The following SGCZ variants were observed in gnomAD, a reference collection of about 807,000 sequenced individuals.
SGCZ encodes the protein zeta-sarcoglycan.
Under a neutral mutation model 41.3 loss-of-function variants are expected in SGCZ, and 40 were observed. The observed-to-expected ratio is 0.97, with a 90% CI of 0.75 to 1.26. SGCZ has a LOEUF of 1.26. Among genes scored for constraint, SGCZ ranks in the 50% most tolerant of loss-of-function variants. SGCZ has a pLI of 0.00. For synonymous variants in SGCZ, 206 were observed against 137.5 expected (o/e 1.50, Z -3.49); for missense variants, 552 against 369.8 (o/e 1.49, Z -4.04).
chr8:14,194,024 G>GT (rs1223725682), intron 4 of SGCZ, among the ~76,000 whole-genome samples: 2 of 151,466 alleles, frequency 1.3e-5, no homozygotes, highest in African/African-American at 2.4e-5. Flanking sequence ...TGGGACAATA[G>GT]TTTTTTTTAA....
At chr8:14,486,132 T>TC (rs934923793) in intron 2 of SGCZ, among the ~76,000 whole-genome samples, 7 of 152,212 alleles carry the variant, frequency 4.6e-5, no homozygotes, top group African/African-American at 1.7e-4. Context: ...TGCTCGTTTT[T>TC]CCCCCTCAAA....
At chr8:14,466,272 T>C (rs1801046528) in intron 2 of SGCZ, among the ~76,000 whole-genome samples, 1 of 151,964 alleles carries the variant, frequency 6.6e-6, no homozygotes, top group African/African-American at 2.4e-5. Context: ...TTTTGTTTGT[T>C]TGCTACTTTA....
intron 1 of SGCZ, among the ~76,000 whole-genome samples, chr8:15,196,023 G>T (rs1018147221): frequency 7.0e-6 from 1 of 143,380 alleles, no homozygotes; most frequent in Non-Finnish European, 1.5e-5. Flanking sequence ...TCAGCCTCCC[G>T]AGTAGCTGGG....
intron 1 of SGCZ, among the ~76,000 whole-genome samples, chr8:15,132,751 C>A (rs1039380875): frequency 6.6e-6 from 1 of 152,126 alleles, no homozygotes; most frequent in Non-Finnish European, 1.5e-5. Context: ...TGTGTTTACA[C>A]CATGGCAGTC....
chr8:15,043,434 C>T (rs760765057), intron 1 of SGCZ, among the ~76,000 whole-genome samples: 17 of 151,958 alleles, frequency 1.1e-4, no homozygotes, highest in Admixed American at 4.6e-4. Flanking sequence ...ATAGATAATT[C>T]ACATTAAACA....
intron 1 of SGCZ, among the ~76,000 whole-genome samples, chr8:14,639,372 C>T (rs1399501074): frequency 1.3e-5 from 2 of 151,478 alleles, no homozygotes; most frequent in African/African-American, 2.4e-5. Context: ...TAGTAATGAG[C>T]TCATAATGTC....
intron 1 of SGCZ, among the ~76,000 whole-genome samples, chr8:14,992,017 CTCAT>C (rs1270549273): frequency 2.0e-5 from 3 of 150,086 alleles, no homozygotes; most frequent in African/African-American, 4.9e-5. Flanking sequence ...ACCCATCCTC[CTCAT>C]TCAATCTACT....
chr8:14,344,493 G>C lies in SGCZ; in HGVS notation c.235-20289C>G, dbSNP rs74433745. ...ACTTCTTAAAAAATTATAAGAAACA[G>C]AGCAGATAAACAACATCTTAAAAAC... is the stretch of plus-strand genomic sequence containing the variant. On this transcript the variant is annotated intron_variant, in intron 2 of 7. Coordinates refer to ENST00000382080, the MANE Select transcript of SGCZ (RefSeq NM_139167.4). Among the ~76,000 whole-genome samples, 102 of 152,026 alleles carry C rather than the reference G, an allele frequency of 6.7e-4. 2 individuals are homozygous for C. The highest frequency in any genetic ancestry group is 2.2e-3 in the African/African-American group (91 of 41,496).
At chr8:14,327,202 T>A (rs970900367) in intron 2 of SGCZ, among the ~76,000 whole-genome samples, 3 of 152,156 alleles carry the variant, frequency 2.0e-5, no homozygotes, top group Admixed American at 2.0e-4. Flanking sequence ...TAATTTTGGA[T>A]TTGGAGATCT....
chr8:15,152,931 A>G (rs1039526935), intron 1 of SGCZ, among the ~76,000 whole-genome samples: 7 of 152,166 alleles, frequency 4.6e-5, no homozygotes, highest in African/African-American at 1.7e-4. Flanking sequence ...TCTCCTGGGT[A>G]GAGGAAAGGG....
At chr8:15,037,526 A>T (rs1033398373) in intron 1 of SGCZ, among the ~76,000 whole-genome samples, 1 of 152,214 alleles carries the variant, frequency 6.6e-6, no homozygotes, top group Admixed American at 6.5e-5. Context: ...TATACTCAAC[A>T]GGAAAATGTT....
chr8:15,007,124 T>C (rs910074443), intron 1 of SGCZ, among the ~76,000 whole-genome samples: 1 of 152,104 alleles, frequency 6.6e-6, no homozygotes, highest in South Asian at 2.1e-4. Context: ...GACAAGTAAT[T>C]AGCTGCTCCA....
At chr8:14,905,940 T>G (rs1799109447) in intron 1 of SGCZ, among the ~76,000 whole-genome samples, 1 of 151,888 alleles carries the variant, frequency 6.6e-6, no homozygotes, top group Admixed American at 6.6e-5. Flanking sequence ...ACAAATAAAA[T>G]AAAGAATATA....
chr8:15,194,303 GC>G (rs1563177166), intron 1 of SGCZ, among the ~76,000 whole-genome samples: 2 of 151,816 alleles, frequency 1.3e-5, no homozygotes, highest in Non-Finnish European at 2.9e-5. Context: ...AAAAGGTTGT[GC>G]CTATGTAAGT....
intron 1 of SGCZ, among the ~76,000 whole-genome samples, chr8:15,138,377 G>A (rs746252223): frequency 2.6e-5 from 4 of 152,094 alleles, no homozygotes; most frequent in Non-Finnish European, 5.9e-5. Flanking sequence ...GGGACTGTTG[G>A]GAGGGCATGA....
intron 3 of SGCZ, among the ~76,000 whole-genome samples, chr8:14,319,749 A>T (rs1203776235): frequency 6.6e-6 from 1 of 152,042 alleles, no homozygotes; most frequent in Non-Finnish European, 1.5e-5. Flanking sequence ...AGTTAAAGTA[A>T]TATAATTATC....
chr8:15,194,381 G>A (rs961826452), intron 1 of SGCZ, among the ~76,000 whole-genome samples: 2 of 152,128 alleles, frequency 1.3e-5, no homozygotes, highest in Non-Finnish European at 2.9e-5. Context: ...AACAAACATT[G>A]TTCTATAACT....
chr8:14,670,908 C>T (rs146314782), intron 1 of SGCZ, among the ~76,000 whole-genome samples: 1 of 152,234 alleles, frequency 6.6e-6, no homozygotes, highest in African/African-American at 2.4e-5. Context: ...AATTTACTAC[C>T]CTATAGAACT....
At chr8:14,898,759 C>G (rs1384419042) in intron 1 of SGCZ, among the ~76,000 whole-genome samples, 1 of 152,076 alleles carries the variant, frequency 6.6e-6, no homozygotes, top group Non-Finnish European at 1.5e-5. Flanking sequence ...ATAGAGAATA[C>G]TAGTTGGAGA....
Sources: gnomAD v4.1 joint callset for allele counts (sites outside exome capture counted in the v4.1 genomes callset) on GRCh38, gnomAD v4.1.1 for gene constraint, MANE v1.5 for transcripts, NCBI Gene and HGNC (gene_info 2026-07-23, HGNC 2026-07-21) for gene names.